Variants in PPP1CB observed in about 807,000 individuals in gnomAD.
PPP1CB encodes the protein serine/threonine-protein phosphatase PP1-beta catalytic subunit.
A neutral mutation model predicts 43.7 loss-of-function variants in PPP1CB; 2 were observed. That is an observed-to-expected ratio of 0.05 (90% confidence interval 0.02 to 0.14). The LOEUF is 0.14. Among genes scored for constraint, PPP1CB ranks in the 10% least tolerant of loss-of-function variants. PPP1CB has a pLI of 1.00. For synonymous variants in PPP1CB, 136 were observed against 135.6 expected, an observed-to-expected ratio of 1.00 and a Z score of -0.02; for missense variants, 84 against 398.0, an observed-to-expected ratio of 0.21 and a Z score of 6.71.
chr2:28,762,334 T>C (rs1666675604), intron 1 of PPP1CB, among the ~76,000 whole-genome samples: 1 of 152,222 alleles, frequency 6.6e-6, no homozygotes, highest in Non-Finnish European at 1.5e-5. Flanking sequence ...TATTACATTT[T>C]AGCATAAATG....
intron 6 of PPP1CB, among the ~76,000 whole-genome samples, chr2:28,789,398 A>T (rs949137783): frequency 2.0e-5 from 3 of 151,586 alleles, no homozygotes; most frequent in Non-Finnish European, 4.4e-5. Flanking sequence ...GGTCCCAGCT[A>T]CGTGGGAGGC....
intron 1 of PPP1CB, among the ~76,000 whole-genome samples, chr2:28,773,696 A>G (rs1666964504): frequency 1.3e-5 from 2 of 152,162 alleles, no homozygotes; most frequent in South Asian, 2.1e-4. Flanking sequence ...TTGAGAGTAC[A>G]TAAAGGAGCA....
At chr2:28,787,188 G>C (rs188694234) in intron 5 of PPP1CB, among the ~76,000 whole-genome samples, 7 of 152,040 alleles carry the variant, frequency 4.6e-5, no homozygotes, top group Admixed American at 4.6e-4. Context: ...GGCTGGGCGC[G>C]GTGGCTCACA....
intron 1 of PPP1CB, among the ~76,000 whole-genome samples, chr2:28,773,548 T>G (rs1049039271): frequency 1.3e-5 from 2 of 152,266 alleles, no homozygotes; most frequent in African/African-American, 4.8e-5. Flanking sequence ...TAATGAAGTA[T>G]GCTGATTTAT....
chr2:28,784,881 C>T (rs112341102), intron 5 of PPP1CB, among the ~76,000 whole-genome samples: 3 of 140,530 alleles, frequency 2.1e-5, no homozygotes, highest in African/African-American at 8.0e-5. Context: ...GATCACACCA[C>T]TGCACTCCAG....
At chr2:28,754,394 T>C (rs1666431366) in intron 1 of PPP1CB, among the ~76,000 whole-genome samples, 1 of 152,022 alleles carries the variant, frequency 6.6e-6, no homozygotes, top group Non-Finnish European at 1.5e-5. Flanking sequence ...TCTCTCTTAA[T>C]TTAGCAAGCG....
At position 28,788,774 on chromosome 2, in the gene PPP1CB, C is replaced by T; in HGVS notation, c.709C>T (p.Arg237Cys). Reference protein sequence around the residue: ...GADVVSKFLNRHDLDLICRAH... With the variant: ...GADVVSKFLNCHDLDLICRAH... ...TGATGTAGTCAGTAAATTTCTGAAT[C>T]GTCATGATTTAGATTTGATTTGTCG... Residue 237 changes from arginine (R) to cysteine (C), a missense_variant, in exon 6 of 8, where the codon CGT becomes TGT. By Grantham distance (180) the Arg-to-Cys change is radical (BLOSUM62 -3). Around this residue, in one of 5 missense-constraint regions of PPP1CB, gnomAD observed 11 missense variants for 17.3 expected, o/e 0.64. Transcript: ENST00000395366. 6.2e-7 allele frequency: 1 copy of T among 1,612,290 alleles called. No individual in the cohort carries two copies. Among genetic ancestry groups the T allele is most frequent in the Non-Finnish European group, 8.5e-7 (1 of 1,179,586 alleles).
At chr2:28,769,884 A>G (rs1242598436) in intron 1 of PPP1CB, among the ~76,000 whole-genome samples, 1 of 152,148 alleles carries the variant, frequency 6.6e-6, no homozygotes, top group African/African-American at 2.4e-5. Context: ...AGGGAAAGAG[A>G]GAGGAATGAA....
chr2:28,796,110 C>A (rs1375355610), intron 7 of PPP1CB, among the ~76,000 whole-genome samples: 19 of 152,078 alleles, frequency 1.2e-4, no homozygotes, highest in Admixed American at 1.2e-3. Flanking sequence ...AGGAGTACAG[C>A]TTTATTTCTG....
At chr2:28,763,660 AC>A in intron 1 of PPP1CB, among the ~76,000 whole-genome samples, 2 of 152,252 alleles carry the variant, frequency 1.3e-5, no homozygotes. Flanking sequence ...AATTTGTGGT[AC>A]TATACAGAGC....
chr2:28,772,303 A>G (rs1666931764), intron 1 of PPP1CB, among the ~76,000 whole-genome samples: 1 of 152,150 alleles, frequency 6.6e-6, no homozygotes, highest in South Asian at 2.1e-4. Context: ...TCCATCTCAA[A>G]AAGAAAAAAA....
intron 5 of PPP1CB, among the ~76,000 whole-genome samples, chr2:28,784,929 A>AG (rs1667229098): frequency 8.6e-6 from 1 of 116,888 alleles, no homozygotes; most frequent in African/African-American, 2.8e-5. Flanking sequence ...AAAAAAAAAA[A>AG]AAAAAGAAAA....
At chr2:28,793,606 A>G (rs767856354) in intron 6 of PPP1CB, among the ~76,000 whole-genome samples, 11 of 152,208 alleles carry the variant, frequency 7.2e-5, no homozygotes, top group Non-Finnish European at 1.2e-4. Context: ...AGCCTTGCAA[A>G]TGGCATGATT....
chr2:28,777,843 A>G (rs1444369909), intron 2 of PPP1CB, among the ~76,000 whole-genome samples: 1 of 152,106 alleles, frequency 6.6e-6, no homozygotes, highest in Non-Finnish European at 1.5e-5. Context: ...TAGTAGAGAC[A>G]GGGTTTCTCC....
chr2:28,765,827 T>C (rs1241739859), intron 1 of PPP1CB, among the ~76,000 whole-genome samples: 2 of 152,180 alleles, frequency 1.3e-5, no homozygotes, highest in Admixed American at 6.5e-5. Flanking sequence ...GGCAGGAGAA[T>C]GTCTTGAGCC....
intron 1 of PPP1CB, among the ~76,000 whole-genome samples, chr2:28,758,048 A>T (rs1015588703): frequency 2.3e-4 from 33 of 143,540 alleles, no homozygotes; most frequent in African/African-American, 7.1e-4. Context: ...TTTTTAATTA[A>T]TTTTTTTTTT....
At chr2:28,753,182 A>C (rs748393174) in intron 1 of PPP1CB, among the ~76,000 whole-genome samples, 1 of 149,012 alleles carries the variant, frequency 6.7e-6, no homozygotes, top group Admixed American at 6.8e-5. Context: ...TGTGTAGAAA[A>C]GCCTTTAATC....
chr2:28,777,486 C>G (rs146216147), intron 2 of PPP1CB, among the ~76,000 whole-genome samples: 1 of 152,078 alleles, frequency 6.6e-6, no homozygotes, highest in Non-Finnish European at 1.5e-5. Flanking sequence ...GTCAATATGG[C>G]GATATCTGTG....
chr2:28,761,149 CA>C (rs1409541932), intron 1 of PPP1CB, among the ~76,000 whole-genome samples: 2 of 152,150 alleles, frequency 1.3e-5, no homozygotes, highest in East Asian at 3.8e-4. Context: ...CTTGGCCTCC[CA>C]AATTGCTGGG....
Sources: gnomAD v4.1 joint callset for allele counts (sites outside exome capture counted in the v4.1 genomes callset) on GRCh38, gnomAD v4.1.1 for gene constraint, gnomAD v4.1.1 regional missense constraint, MANE v1.5 for transcripts, NCBI Gene and HGNC (gene_info 2026-07-23, HGNC 2026-07-21) for gene names.